MAF: variants seen among roughly 807,000 people sequenced by gnomAD.
MAF encodes the protein transcription factor Maf.
MAF carries 10 observed loss-of-function variants against 22.0 expected under a neutral mutation model. That is an observed-to-expected ratio of 0.45 (90% CI 0.28 to 0.77). The LOEUF (loss-of-function observed/expected upper bound fraction) is 0.77. Among genes scored for constraint, MAF ranks in the 30% least tolerant of loss-of-function variants. The probability of loss-of-function intolerance (pLI) is 0.12; values close to 1 mark genes in which losing one functional copy is unlikely to be tolerated. For missense variants in MAF, 544 were observed against 548.4 expected (o/e 0.99, Z 0.08); for synonymous variants, 337 against 255.8 (o/e 1.32, Z -3.03).
chr16:79,588,443 CT>C (rs111566050), intron 1 of MAF, among the ~76,000 whole-genome samples: 5 of 151,276 alleles, frequency 3.3e-5, no homozygotes, highest in African/African-American at 9.7e-5. Flanking sequence ...TTCTTTCTTT[CT>C]TTTTTTTTAA....
At chr16:79,558,000 T>C in the MAF span, among the ~76,000 whole-genome samples, 31,459 of 150,482 alleles carry the variant, frequency 0.21, 3,698 homozygotes, top group Non-Finnish European at 0.27. Flanking sequence ...ACCAAGAAAA[T>C]GGTTCAGGGG....
At chr16:79,568,151 TA>T in the MAF span, among the ~76,000 whole-genome samples, 1 of 152,214 alleles carries the variant, frequency 6.6e-6, no homozygotes, top group Non-Finnish European at 1.5e-5. Flanking sequence ...ATCCAGTCGC[TA>T]AAATCCATTT....
At chr16:79,591,547 A>G (rs1003075402), downstream of MAF, among the ~76,000 whole-genome samples, 4 of 152,234 alleles carry the variant, frequency 2.6e-5, no homozygotes, top group Admixed American at 1.3e-4. Flanking sequence ...GAGGTGCTCA[A>G]TAGAGGCTAC....
the MAF span, among the ~76,000 whole-genome samples, chr16:79,340,293 A>C: frequency 1.3e-5 from 2 of 151,974 alleles, no homozygotes; most frequent in African/African-American, 4.8e-5. Context: ...CTCTTCAAAA[A>C]GATGCCTTGT....
the MAF span, among the ~76,000 whole-genome samples, chr16:79,416,912 T>C: frequency 6.6e-6 from 1 of 152,182 alleles, no homozygotes; most frequent in Non-Finnish European, 1.5e-5. Context: ...ACTCATGAAG[T>C]ATTACAGTGA....
Position 79,600,139 on chromosome 16 carries a change from C to G in MAF, c.-237G>C. ...CCCCCTGCTCACGCCAATGTGCTCC[C>G]TCGCTCGCCCCGGCCCCTCCTTGCT... On this transcript the variant is annotated 5_prime_UTR_variant, in exon 1 of 2. Coordinates refer to ENST00000326043, the MANE Select transcript of MAF (RefSeq NM_005360.5). 2.0e-6 allele frequency: 1 copy of G among 493,902 alleles called. No individual in the cohort carries two copies. Among genetic ancestry groups the G allele is most frequent in the Non-Finnish European group, 3.5e-6 (1 of 284,718 alleles). The allele number at this position is 493,902 out of a possible 1,614,324, so 30.6% of individuals were successfully genotyped here. A position where few individuals can be genotyped will look rare whatever the true frequency, so the allele number is the denominator to read the frequency against.
chr16:79,286,354 C>G, the MAF span, among the ~76,000 whole-genome samples: 1 of 152,164 alleles, frequency 6.6e-6, no homozygotes, highest in Non-Finnish European at 1.5e-5. Flanking sequence ...GTCCTCTGTA[C>G]TATCCTCTGC....
the MAF span, among the ~76,000 whole-genome samples, chr16:79,343,837 C>T: frequency 7.9e-5 from 12 of 152,310 alleles, no homozygotes; most frequent in Admixed American, 3.3e-4. Context: ...CTACCCCCCA[C>T]GGTCCCCTGC....
the MAF span, among the ~76,000 whole-genome samples, chr16:79,545,460 C>T: frequency 6.6e-6 from 1 of 151,818 alleles, no homozygotes; most frequent in Non-Finnish European, 1.5e-5. Context: ...ATGAGTACAA[C>T]TGCACACATT....
At chr16:79,386,927 T>A in the MAF span, among the ~76,000 whole-genome samples, 2 of 152,306 alleles carry the variant, frequency 1.3e-5, no homozygotes, top group African/African-American at 4.8e-5. Context: ...AAGTCTTACA[T>A]TAACTGCTGT....
At chr16:79,590,899 T>G (rs1913153938), downstream of MAF, among the ~76,000 whole-genome samples, 4 of 152,218 alleles carry the variant, frequency 2.6e-5, no homozygotes, top group South Asian at 8.3e-4. Context: ...TTCTGCAGAA[T>G]TCCTCCAACA....
chr16:79,553,777 C>T, the MAF span, among the ~76,000 whole-genome samples: 4 of 152,168 alleles, frequency 2.6e-5, no homozygotes, highest in African/African-American at 4.8e-5. Context: ...TTTCTTAACA[C>T]TCTCATCACT....
the MAF span, among the ~76,000 whole-genome samples, chr16:79,363,710 G>A: frequency 6.6e-6 from 1 of 152,134 alleles, no homozygotes; most frequent in African/African-American, 2.4e-5. Flanking sequence ...GGAAGAAATG[G>A]TTAACTCTGA....
At chr16:79,350,731 G>A in the MAF span, among the ~76,000 whole-genome samples, 1 of 152,194 alleles carries the variant, frequency 6.6e-6, no homozygotes, top group African/African-American at 2.4e-5. Flanking sequence ...GAGGGACCCT[G>A]CAGGGACCTG....
At chr16:79,204,773 T>A in the MAF span, 1 of 152,322 alleles carries the variant, frequency 6.6e-6, no homozygotes, top group Non-Finnish European at 1.5e-5. Context: ...TGGTTGGGAC[T>A]GGCTGCCTAT....
At chr16:79,337,782 C>A in the MAF span, among the ~76,000 whole-genome samples, 1 of 152,144 alleles carries the variant, frequency 6.6e-6, no homozygotes, top group Non-Finnish European at 1.5e-5. Context: ...AAGATCCTAT[C>A]GGACAGTGCT....
chr16:79,586,040 A>C (rs1912821125), intron 1 of MAF: 2 of 577,812 alleles, frequency 3.5e-6, no homozygotes, highest in East Asian at 3.0e-5. Flanking sequence ...TATCTATCAA[A>C]AGGGCAGAAT....
Position 79,600,037 on chromosome 16 carries a change from G to A in MAF, c.-135C>T. 9 of 1,298,636 alleles carry A rather than the reference G, an allele frequency of 6.9e-6. No individual in the cohort carries two copies. Among genetic ancestry groups the A allele is most frequent in the Non-Finnish European group, 9.5e-6 (9 of 944,588 alleles). The allele number at this position is 1,298,636 out of a possible 1,614,324, so 80.4% of individuals were successfully genotyped here. A position where few individuals can be genotyped will look rare whatever the true frequency, so the allele number is the denominator to read the frequency against. ...GGCGCTTCTAGCTTGCGCGGCGGTG[G>A]CTGGCCCGAAACCTCCGAGCGCGCT... On this transcript the variant is annotated 5_prime_UTR_variant, in exon 1 of 2. Transcript: ENST00000326043.
chr16:79,342,860 C>G, the MAF span, among the ~76,000 whole-genome samples: 1 of 152,112 alleles, frequency 6.6e-6, no homozygotes, highest in African/African-American at 2.4e-5. Context: ...AGAATTGAAA[C>G]TCATTAAGAG....
Sources: gnomAD v4.1 joint callset for allele counts (sites outside exome capture counted in the v4.1 genomes callset) on GRCh38, gnomAD v4.1.1 for gene constraint, MANE v1.5 for transcripts, NCBI Gene and HGNC (gene_info 2026-07-23, HGNC 2026-07-21) for gene names.